MAGI2: variants seen among roughly 807,000 people sequenced by gnomAD.
The protein encoded by MAGI2 is membrane-associated guanylate kinase, WW and PDZ domain-containing protein 2.
A neutral mutation model predicts 133.3 loss-of-function variants in MAGI2; 35 were observed. That is an observed-to-expected ratio of 0.26 (90% CI 0.20 to 0.35). The LOEUF (loss-of-function observed/expected upper bound fraction) is 0.35. Ranked by LOEUF, MAGI2 falls within the 10% of genes least tolerant of loss-of-function variation. The pLI, the probability that MAGI2 is intolerant of heterozygous loss-of-function variation, is 1.00. For synonymous variants in MAGI2, 729 were observed against 710.6 expected (o/e 1.03, Z -0.41); for missense variants, 1,636 against 1,863.4 (o/e 0.88, Z 2.25).
chr7:79,073,805 C>A (rs1815215203), intron 1 of MAGI2, among the ~76,000 whole-genome samples: 1 of 151,174 alleles, frequency 6.6e-6, no homozygotes, highest in African/African-American at 2.4e-5. Context: ...TTTCTAATTT[C>A]TTGACCATAC....
intron 2 of MAGI2, among the ~76,000 whole-genome samples, chr7:78,958,788 C>T (rs895515345): frequency 2.6e-5 from 4 of 151,936 alleles, no homozygotes; most frequent in Non-Finnish European, 5.9e-5. Flanking sequence ...GGTAATCCAC[C>T]GCAAAGCATG....
At chr7:78,030,020 C>G (rs1338996636) in intron 21 of MAGI2, among the ~76,000 whole-genome samples, 2 of 152,166 alleles carry the variant, frequency 1.3e-5, no homozygotes, top group Non-Finnish European at 2.9e-5. Context: ...TCCTACTTGT[C>G]TTTAGGAAGC....
At chr7:78,313,890 A>C (rs1798936376) in intron 9 of MAGI2, among the ~76,000 whole-genome samples, 1 of 152,178 alleles carries the variant, frequency 6.6e-6, no homozygotes, top group Admixed American at 6.5e-5. Flanking sequence ...ATAGGAAGAA[A>C]GTTTTGAAAC....
intron 1 of MAGI2, among the ~76,000 whole-genome samples, chr7:79,186,416 T>C (rs760525962): frequency 5.4e-5 from 8 of 149,162 alleles, no homozygotes; most frequent in Non-Finnish European, 1.2e-4. Context: ...CATCTCAATT[T>C]TGCTAACAAT....
At chr7:79,149,289 C>T (rs1215206599) in intron 1 of MAGI2, among the ~76,000 whole-genome samples, 1 of 151,522 alleles carries the variant, frequency 6.6e-6, no homozygotes, top group African/African-American at 2.4e-5. Context: ...AATAAGTCCA[C>T]ATTACAATTT....
intron 1 of MAGI2, chr7:79,415,072 G>A (rs2129174445): frequency 6.6e-6 from 1 of 152,250 alleles, no homozygotes; most frequent in Middle Eastern, 3.4e-3. Context: ...AGCCCCAGAT[G>A]TGGAGAACAA....
intron 6 of MAGI2, among the ~76,000 whole-genome samples, chr7:78,451,059 T>TTCTACATG (rs1422179299): frequency 6.6e-6 from 1 of 152,076 alleles, no homozygotes; most frequent in Non-Finnish European, 1.5e-5. Flanking sequence ...CTAGAAATAT[T>TTCTACATG]TCTACATGCA....
chr7:78,115,851 A>G (rs1819815826), intron 20 of MAGI2, among the ~76,000 whole-genome samples: 1 of 152,220 alleles, frequency 6.6e-6, no homozygotes, highest in African/African-American at 2.4e-5. Context: ...TTTCAAAGAA[A>G]AATTTGCAAA....
rs1585937170 is a variant in MAGI2 at position 79,426,095 on chromosome 7, A to G, written c.301+26925T>C. 2.0e-5 allele frequency among the ~76,000 whole-genome samples: 3 copies of G among 152,202 alleles called. No individual in the cohort carries two copies. In the East Asian group the frequency reaches 5.8e-4, roughly 29 times the overall value. ...GAGAATGTATTCATGGACTCATAAGAAACAATGTTTTAGATTTTAGTGTGG... is the reference window on the plus strand; with the variant it reads ...GAGAATGTATTCATGGACTCATAAGGAACAATGTTTTAGATTTTAGTGTGG... On this transcript the variant is annotated intron_variant, in intron 1 of 21. Coordinates refer to ENST00000354212, the MANE Select transcript of MAGI2 (RefSeq NM_012301.4).
chr7:78,266,819 A>G (rs1391168968), intron 9 of MAGI2, among the ~76,000 whole-genome samples: 2 of 152,068 alleles, frequency 1.3e-5, no homozygotes, highest in Non-Finnish European at 2.9e-5. Context: ...TGATCCGCCC[A>G]CCTTGGCCTC....
rs949479119 is a variant in MAGI2, at chr7:78,345,931, C to G, written c.1216G>C (p.Gly406Arg). 3.7e-6 allele frequency: 6 copies of G among 1,613,902 alleles called. No individual in the cohort carries two copies. The African/African-American group carries it at 5.3e-5, about 14-fold the overall frequency. The change falls in exon 8 of 22, where the codon GGT becomes CGT. Residue 406 changes from glycine (G) to arginine (R), a missense_variant. Transcript: ENST00000354212. ...CTGACAGGTATCATACCTCGGAAAC[C>G]TGGGGCCTGCAGGGGCTTTGTTCCA... ...ELGTKPLQAP[G>R]FREKPLFTRD...
At chr7:78,270,560 G>C (rs1794463459) in intron 9 of MAGI2, among the ~76,000 whole-genome samples, 1 of 152,062 alleles carries the variant, frequency 6.6e-6, no homozygotes, top group African/African-American at 2.4e-5. Flanking sequence ...TTGGCTCTCT[G>C]TTTGTCTGTT....
chr7:78,775,193 G>C (rs1386080647), intron 2 of MAGI2, among the ~76,000 whole-genome samples: 10 of 151,510 alleles, frequency 6.6e-5, no homozygotes, highest in Non-Finnish European at 1.3e-4. Flanking sequence ...GGCGCCTGTA[G>C]TCCCAGCTAC....
intron 1 of MAGI2, among the ~76,000 whole-genome samples, chr7:79,421,104 CTG>C (rs1846926507): frequency 6.6e-6 from 1 of 151,980 alleles, no homozygotes; most frequent in Admixed American, 6.6e-5. Context: ...GTACCGTGGA[CTG>C]TGTTAGCACT....
intron 4 of MAGI2, among the ~76,000 whole-genome samples, chr7:78,513,805 A>G (rs1056957654): frequency 1.3e-5 from 2 of 152,046 alleles, no homozygotes; most frequent in Non-Finnish European, 2.9e-5. Context: ...AGAAATGAAG[A>G]GGGCCGGGTG....
chr7:79,306,069 C>T (rs1837767197), intron 1 of MAGI2, among the ~76,000 whole-genome samples: 1 of 149,212 alleles, frequency 6.7e-6, no homozygotes, highest in Admixed American at 6.7e-5. Context: ...TGCAGTGGCA[C>T]AGTCATGGTT....
intron 2 of MAGI2, among the ~76,000 whole-genome samples, chr7:78,919,173 G>A (rs1799035943): frequency 6.6e-6 from 1 of 152,076 alleles, no homozygotes; most frequent in African/African-American, 2.4e-5. Context: ...TCTTTGTAAT[G>A]TAGTCTTGTT....
chr7:78,703,614 A>G (rs1416360845), intron 2 of MAGI2, among the ~76,000 whole-genome samples: 1 of 152,076 alleles, frequency 6.6e-6, no homozygotes, highest in African/African-American at 2.4e-5. Context: ...CCCTATAGAT[A>G]TGAATCACAA....
chr7:78,382,327 A>G (rs536655758), intron 6 of MAGI2, among the ~76,000 whole-genome samples: 3 of 148,708 alleles, frequency 2.0e-5, no homozygotes, highest in East Asian at 2.0e-4. Flanking sequence ...TTTCATATAC[A>G]TTAATACTCA....
Sources: gnomAD v4.1 joint callset for allele counts (sites outside exome capture counted in the v4.1 genomes callset) on GRCh38, gnomAD v4.1.1 for gene constraint, MANE v1.5 for transcripts, NCBI Gene and HGNC (gene_info 2026-07-23, HGNC 2026-07-21) for gene names.